Variants in FAM13C observed in about 807,000 individuals in gnomAD.
The protein encoded by FAM13C is family with sequence similarity 13 member C, also known as protein FAM13C.
FAM13C carries 37 observed loss-of-function variants against 73.2 expected under a neutral mutation model. That is an observed-to-expected ratio of 0.51 (90% CI 0.39 to 0.67). FAM13C has a LOEUF of 0.67. Among genes scored for constraint, FAM13C ranks in the 30% least tolerant of loss-of-function variants. FAM13C has a pLI of 0.00. For synonymous variants in FAM13C, 246 were observed against 260.9 expected (o/e 0.94, Z 0.55); for missense variants, 589 against 715.6 (o/e 0.82, Z 2.02).
chr10:59,297,220 T>A (rs1847023495), intron 5 of FAM13C: 1 of 152,208 alleles, frequency 6.6e-6, no homozygotes, highest in African/African-American at 2.4e-5. Context: ...ATCAGAGAAC[T>A]TGTGCTTGCC....
At chr10:59,287,798 C>A (rs1345494104) in intron 5 of FAM13C, among the ~76,000 whole-genome samples, 1 of 152,216 alleles carries the variant, frequency 6.6e-6, no homozygotes, top group Non-Finnish European at 1.5e-5. Flanking sequence ...GGACTGGATT[C>A]TGTGTTTAGT....
In FAM13C at chr10:59,251,336, G is replaced by A. The variant is rs76556431; in HGVS notation, c.1634+239C>T. 1,168 of 459,054 alleles carry A rather than the reference G, an allele frequency of 2.5e-3. 7 individuals are homozygous for A. Among genetic ancestry groups the A allele is most frequent in the African/African-American group, 0.012 (589 of 49,662 alleles). The allele number at this position is 459,054 out of a possible 1,614,324, so 28.4% of individuals were successfully genotyped here. ...TTATTGTGCAAAGTTAGAGATTTTT[G>A]GAGTTTATCCTTTATTTTTTACAGA... On this transcript the variant is annotated intron_variant, in intron 13 of 13. Coordinates refer to ENST00000618804, the MANE Select transcript of FAM13C (RefSeq NM_198215.4).
chr10:59,249,144 C>G (rs576151822), intron 13 of FAM13C, among the ~76,000 whole-genome samples: 7 of 152,222 alleles, frequency 4.6e-5, no homozygotes, highest in Non-Finnish European at 1.0e-4. Context: ...GTGGCTCACG[C>G]CTGTAATCCC....
chr10:59,268,503 C>A, intron 8 of FAM13C, 50 bp downstream of exon 8: 1 of 1,602,240 alleles, frequency 6.2e-7, no homozygotes, highest in Non-Finnish European at 8.5e-7. Context: ...TGAGGAGAAT[C>A]CAGACACCTC....
chr10:59,247,792 C>T (rs2133332246), intron 13 of FAM13C, 55 bp from the exon 14 acceptor site: 2 of 1,550,244 alleles, frequency 1.3e-6, no homozygotes, highest in Non-Finnish European at 1.8e-6. Context: ...ATTATTTAAA[C>T]ATTCTTTTAT....
intron 2 of FAM13C, 50 bp from the exon 3 acceptor site, chr10:59,352,524 A>C (rs1456497223): frequency 6.7e-7 from 1 of 1,500,046 alleles, no homozygotes; most frequent in Admixed American, 2.2e-5. Flanking sequence ...AAAGATGAAT[A>C]AACTGCTGCA....
chr10:59,352,111 G>A (rs1855120587), intron 3 of FAM13C, among the ~76,000 whole-genome samples, 159 bp downstream of exon 3: 1 of 152,172 alleles, frequency 6.6e-6, no homozygotes, highest in Non-Finnish European at 1.5e-5. Flanking sequence ...CTTTTAACCT[G>A]CAAGAGCTTC....
intron 4 of FAM13C, among the ~76,000 whole-genome samples, chr10:59,318,750 C>G (rs1318366377): frequency 6.6e-6 from 1 of 152,030 alleles, no homozygotes; most frequent in East Asian, 1.9e-4. Context: ...TAGGTCAATA[C>G]CCACTCATTA....
Position 59,352,356 on chromosome 10 carries a change from A to G in FAM13C, c.238T>C (p.Leu80=). ...VEATVLVDSV[L]RPSMGNFKSR... Reference sequence around the variant, plus strand: ...TTGAAGTTGCCCATGCTGGGTCGCAATACGCTGTCCACCAGCACGGTCGCC... The same window carrying G: ...TTGAAGTTGCCCATGCTGGGTCGCAGTACGCTGTCCACCAGCACGGTCGCC... Residue 80 remains leucine, a synonymous_variant, in exon 3 of 14, where the codon TTG becomes CTG. Coordinates refer to ENST00000618804, the MANE Select transcript of FAM13C (RefSeq NM_198215.4). 6.2e-7 allele frequency: 1 copy of G among 1,614,218 alleles called. No homozygotes were observed. Among genetic ancestry groups the G allele is most frequent in the Non-Finnish European group, 8.5e-7 (1 of 1,180,056 alleles).
intron 4 of FAM13C, among the ~76,000 whole-genome samples, chr10:59,306,119 C>A (rs1199962596): frequency 1.3e-5 from 2 of 152,188 alleles, no homozygotes; most frequent in Non-Finnish European, 2.9e-5. Flanking sequence ...TACTGGTTTA[C>A]ACTCTTCAAA....
Position 59,262,578 on chromosome 10 carries a change from A to C in FAM13C, c.1092T>G (p.Cys364Trp), listed in dbSNP as rs745328080. Residue 364 changes from cysteine (C) to tryptophan (W), a missense_variant, in exon 10 of 14, where the codon TGT (cysteine) becomes TGG (tryptophan). Coordinates refer to ENST00000618804, the MANE Select transcript of FAM13C (RefSeq NM_198215.4). ...TTTCTCTGGGGACTGTGGGTTGCTC[A>C]CACAACAGGTTTCTAGGTGGACCTT... ...APKGPPRNLL[C>W]EQPTVPRENG... 3.7e-6 allele frequency: 6 copies of C among 1,613,684 alleles called. No individual in the cohort carries two copies. The highest frequency in any genetic ancestry group is 5.1e-6 in the Non-Finnish European group (6 of 1,179,742).
chr10:59,357,152 G>C (rs1855827059), intron 1 of FAM13C, among the ~76,000 whole-genome samples: 2 of 152,154 alleles, frequency 1.3e-5, no homozygotes, highest in Non-Finnish European at 1.5e-5. Flanking sequence ...ACTTCACCTT[G>C]TGATCATGTG....
chr10:59,269,958 C>G lies in FAM13C; in HGVS notation c.744G>C (p.Gln248His). Residue 248 changes from glutamine (Q) to histidine (H), a missense_variant, in exon 7 of 14, where the codon CAG (glutamine) becomes CAC (histidine). Physicochemically the swap from Gln to His is conservative, Grantham distance 24 (BLOSUM62 0). Coordinates refer to ENST00000618804, the MANE Select transcript of FAM13C (RefSeq NM_198215.4). ...SPRCSIFSQS[Q>H]RFNLDPESAP... ...CTGACTCGGGGTCTAAGTTGAATCT[C>G]TGGCTTTGGCTGAAGATGGAGCATC... The G allele has an allele frequency of 6.2e-7, 1 of 1,613,996 alleles. No homozygotes were observed.
At chr10:59,315,912 T>A (rs1304421776) in intron 4 of FAM13C, among the ~76,000 whole-genome samples, 1 of 152,160 alleles carries the variant, frequency 6.6e-6, no homozygotes, top group Non-Finnish European at 1.5e-5. Context: ...TCTTCCATGA[T>A]CGGACAACTG....
chr10:59,247,394 AT>A lies in FAM13C; in HGVS notation c.*219del. 1 of 529,826 alleles carries A rather than the reference AT, an allele frequency of 1.9e-6. No homozygotes were observed. The highest frequency in any genetic ancestry group is 3.3e-6 in the Non-Finnish European group (1 of 304,948). The allele number at this position is 529,826 out of a possible 1,614,324, so 32.8% of individuals were successfully genotyped here. A position where few individuals can be genotyped will look rare whatever the true frequency, so the allele number is the denominator to read the frequency against. Reference sequence around the variant, plus strand: ...TTCTGCTTGGCATGGAGGACACTGAATTTTTTCCCAATTATATGGCTACCTG... The same window carrying A: ...TTCTGCTTGGCATGGAGGACACTGAATTTTTCCCAATTATATGGCTACCTG... On this transcript the variant is annotated 3_prime_UTR_variant, in exon 14 of 14. Transcript: ENST00000618804.
At chr10:59,331,622 T>C (rs1196800294) in intron 3 of FAM13C, among the ~76,000 whole-genome samples, 1 of 152,120 alleles carries the variant, frequency 6.6e-6, no homozygotes, top group African/African-American at 2.4e-5. Flanking sequence ...CTTGGGCTTG[T>C]GTGGCAAATG....
chr10:59,255,453 A>G (rs1841862736), intron 10 of FAM13C, among the ~76,000 whole-genome samples: 1 of 152,040 alleles, frequency 6.6e-6, no homozygotes, highest in African/African-American at 2.4e-5. Flanking sequence ...CTGCCTATTT[A>G]TCCAAAGTGA....
In FAM13C at chr10:59,362,521, A is replaced by G; in HGVS notation, c.-61T>C. Reference sequence around the variant, plus strand: ...GCTCTCCGGGAGTTAGAGCACATACACAAACATGGCATTGCAAGGCAAGTC... The same window carrying G: ...GCTCTCCGGGAGTTAGAGCACATACGCAAACATGGCATTGCAAGGCAAGTC... On this transcript the variant is annotated 5_prime_UTR_variant, in exon 1 of 14. Coordinates refer to ENST00000618804, the MANE Select transcript of FAM13C (RefSeq NM_198215.4). 6.3e-7 allele frequency: 1 copy of G among 1,593,976 alleles called. No individual in the cohort carries two copies. Among genetic ancestry groups the G allele is most frequent in the African/African-American group, 1.3e-5 (1 of 74,872 alleles).
intron 5 of FAM13C, 45 bp downstream of exon 5, chr10:59,302,756 G>A (rs1847744362): frequency 6.5e-7 from 1 of 1,535,644 alleles, no homozygotes; most frequent in East Asian, 2.2e-5. Flanking sequence ...TAAATCTCAT[G>A]ATTGGCTAAT....
Sources: allele counts gnomAD v4.1 joint callset (sites outside exome capture counted in the v4.1 genomes callset), GRCh38; gene constraint gnomAD v4.1.1; transcripts MANE v1.5; gene names NCBI Gene and HGNC (gene_info 2026-07-23, HGNC 2026-07-21).